FRAS1: variants seen among roughly 807,000 people sequenced by gnomAD.
The protein encoded by FRAS1 is extracellular matrix organizing protein FRAS1.
A neutral mutation model predicts 435.2 loss-of-function variants in FRAS1; 290 were observed. The ratio of observed to expected loss-of-function variants is 0.67; its 90% CI spans 0.61 to 0.73. The LOEUF is 0.73. Ranked by LOEUF, FRAS1 falls within the 30% of genes least tolerant of loss-of-function variation. The probability of loss-of-function intolerance (pLI) is 0.00; values close to 1 mark genes in which losing one functional copy is unlikely to be tolerated. For synonymous variants in FRAS1, 1,800 were observed against 1,851.0 expected, an observed-to-expected ratio of 0.97 and a Z score of 0.71; for missense variants, 4,860 against 5,001.5, an observed-to-expected ratio of 0.97 and a Z score of 0.85.
chr4:78,458,146 G>T (rs527944343), intron 47 of FRAS1, among the ~76,000 whole-genome samples: 2 of 152,302 alleles, frequency 1.3e-5, no homozygotes, highest in East Asian at 3.9e-4. Context: ...TGCCTCCAGG[G>T]ATGTGTGAGC....
At chr4:78,179,996 G>A (rs1474860323) in intron 2 of FRAS1, among the ~76,000 whole-genome samples, 3 of 152,178 alleles carry the variant, frequency 2.0e-5, no homozygotes, top group Non-Finnish European at 2.9e-5. Context: ...TCAGCCAACC[G>A]ACACTTAGCA....
chr4:78,503,934 C>G (rs1250277643), intron 61 of FRAS1, among the ~76,000 whole-genome samples: 1 of 152,170 alleles, frequency 6.6e-6, no homozygotes, highest in African/African-American at 2.4e-5. Flanking sequence ...TCATTGGTTT[C>G]AAAGAACATC....
chr4:78,461,098 A>G (rs942472050), intron 47 of FRAS1, among the ~76,000 whole-genome samples: 1 of 152,200 alleles, frequency 6.6e-6, no homozygotes. Flanking sequence ...TGATAATATT[A>G]AAACCCATCA....
chr4:78,195,486 C>T (rs1431511097), intron 2 of FRAS1, among the ~76,000 whole-genome samples: 1 of 152,260 alleles, frequency 6.6e-6, no homozygotes, highest in Non-Finnish European at 1.5e-5. Flanking sequence ...CGCCCCTCCT[C>T]CAGCCTCGCT....
rs1259387765 is a variant in FRAS1 at position 78,448,134 on chromosome 4, A to G, written c.6092A>G (p.Gln2031Arg). 6.2e-7 allele frequency: 1 copy of G among 1,613,514 alleles called. No homozygotes were observed. The highest frequency in any genetic ancestry group is 8.5e-7 in the Non-Finnish European group (1 of 1,179,754). The change falls in exon 44 of 74, where the codon CAG becomes CGG. Residue 2031 changes from glutamine (Q) to arginine (R), a missense_variant. Coordinates refer to ENST00000512123, the MANE Select transcript of FRAS1 (RefSeq NM_025074.7). ...VLVQGSTFTY[Q>R]DILAGLVGYV... is the part of the protein sequence containing the mutation. The stretch of plus-strand genomic sequence containing the variant: ...GTCCAGGGCTCAACCTTCACCTACC[A>G]GGATATCCTAGCTGGGCTGGTTGGG...
Position 78,057,667 on chromosome 4 carries a change from C to T in FRAS1, c.-343C>T, listed in dbSNP as rs1186207739. The T allele has an allele frequency of 5.5e-6, 2 of 364,038 alleles. No individual in the cohort carries two copies. The highest frequency in any genetic ancestry group is 2.1e-5 in the African/African-American group (1 of 48,496). The allele number at this position is 364,038 out of a possible 1,614,324, so 22.6% of individuals were successfully genotyped here. On this transcript the variant is annotated 5_prime_UTR_variant, in exon 1 of 74. Coordinates refer to ENST00000512123, the MANE Select transcript of FRAS1 (RefSeq NM_025074.7). This position sits in a 1 kb window ranked among gnomAD's most constrained non-coding sequence, Gnocchi z 4.2. ...TAGCCCGAGGGAAATGCTGGAAGATCCCATCGGCCAGTGACCAGCAACTTT... is the reference window on the plus strand; with the variant it reads ...TAGCCCGAGGGAAATGCTGGAAGATTCCATCGGCCAGTGACCAGCAACTTT...
intron 4 of FRAS1, among the ~76,000 whole-genome samples, chr4:78,246,579 T>C (rs1725260233): frequency 6.6e-6 from 1 of 152,092 alleles, no homozygotes; most frequent in South Asian, 2.1e-4. Context: ...CAGAAGAAAA[T>C]CCCTATGAAC....
intron 2 of FRAS1, among the ~76,000 whole-genome samples, chr4:78,121,575 TAGCCAGCCTTGCCTGGG>T (rs951992566): frequency 2.6e-5 from 4 of 152,228 alleles, no homozygotes; most frequent in East Asian, 1.9e-4. Context: ...GTGCAGGAAT[TAGCCAGCCTTGCCTGGG>T]AGCCAGCCTT....
chr4:78,315,779 C>T (rs2110232615), intron 16 of FRAS1, 45 bp downstream of exon 16: 1 of 1,603,506 alleles, frequency 6.2e-7, no homozygotes, highest in East Asian at 2.2e-5. Flanking sequence ...GTATTGAGTA[C>T]ATGTTTGACT....
At chr4:78,134,634 G>A (rs1332912648) in intron 2 of FRAS1, among the ~76,000 whole-genome samples, 1 of 152,170 alleles carries the variant, frequency 6.6e-6, no homozygotes, top group Non-Finnish European at 1.5e-5. Context: ...TGTTTTCTGT[G>A]CTGTGGTTTT....
At chr4:78,503,581 G>C (rs1720743630) in intron 61 of FRAS1, among the ~76,000 whole-genome samples, 1 of 151,946 alleles carries the variant, frequency 6.6e-6, no homozygotes, top group African/African-American at 2.4e-5. Context: ...ATTTTTTATT[G>C]CATCTATTTG....
At chr4:78,514,920 T>G (rs1053095073) in intron 65 of FRAS1, among the ~76,000 whole-genome samples, 10 of 151,758 alleles carry the variant, frequency 6.6e-5, no homozygotes, top group Non-Finnish European at 1.5e-4. Context: ...CATAAAAAAT[T>G]AGCCAGGTGT....
chr4:78,151,317 A>G (rs989251582), intron 2 of FRAS1, among the ~76,000 whole-genome samples: 3 of 152,140 alleles, frequency 2.0e-5, no homozygotes, highest in African/African-American at 7.2e-5. Context: ...GAGATAGGAT[A>G]CTTTGTTCCA....
At chr4:78,098,309 T>C (rs1438344396) in intron 2 of FRAS1, among the ~76,000 whole-genome samples, 3 of 148,370 alleles carry the variant, frequency 2.0e-5, no homozygotes, top group African/African-American at 5.0e-5. Flanking sequence ...AGTCTCTCTC[T>C]CTGTTGCCCA....
Position 78,450,358 on chromosome 4 carries a change from G to T in FRAS1, c.6463+19G>T. On this transcript the variant is annotated intron_variant, in intron 45 of 73. Coordinates refer to ENST00000512123, the MANE Select transcript of FRAS1 (RefSeq NM_025074.7). ...AGCCAAGGTCAGCCAGTTCTCTTCT[G>T]CCTACCAGGCTTCCGTGGACTGCAC... The T allele has an allele frequency of 6.2e-7, 1 of 1,609,206 alleles. No homozygotes were observed. Among genetic ancestry groups the T allele is most frequent in the Non-Finnish European group, 8.5e-7 (1 of 1,175,678 alleles).
intron 4 of FRAS1, among the ~76,000 whole-genome samples, chr4:78,250,616 T>C (rs1015765802): frequency 2.0e-5 from 3 of 152,222 alleles, no homozygotes; most frequent in Non-Finnish European, 4.4e-5. Flanking sequence ...TAAAATTTAA[T>C]TTTAAGTCTT....
intron 14 of FRAS1, among the ~76,000 whole-genome samples, chr4:78,295,726 A>G (rs1336428130): frequency 6.7e-6 from 1 of 148,528 alleles, no homozygotes; most frequent in East Asian, 2.0e-4. Flanking sequence ...ATTGTTTTGT[A>G]TGCCTGAGTA....
At chr4:78,464,361 G>A in intron 48 of FRAS1, 82 bp from the exon 49 acceptor site, 1 of 1,562,962 alleles carries the variant, frequency 6.4e-7, no homozygotes, top group Non-Finnish European at 8.7e-7. Context: ...GTGTGAAAGA[G>A]AAAAGTAGAG....
chr4:78,367,902 T>C (rs965587938), intron 22 of FRAS1, among the ~76,000 whole-genome samples: 4 of 152,166 alleles, frequency 2.6e-5, no homozygotes, highest in African/African-American at 9.7e-5. Context: ...TCTATTAAAG[T>C]CATGGATAAA....
Sources: gnomAD v4.1 joint callset for allele counts (sites outside exome capture counted in the v4.1 genomes callset) on GRCh38, gnomAD v4.1.1 for gene constraint, Gnocchi (gnomAD v3.1) non-coding constraint, MANE v1.5 for transcripts, NCBI Gene and HGNC (gene_info 2026-07-23, HGNC 2026-07-21) for gene names.